Variants in SEMA7A observed in about 807,000 individuals in gnomAD.
SEMA7A encodes the protein semaphorin-7A.
SEMA7A carries 21 observed loss-of-function variants against 67.5 expected under a neutral mutation model. The observed-to-expected ratio is 0.31, with a 90% CI of 0.22 to 0.45. SEMA7A has a LOEUF of 0.45. Among genes scored for constraint, SEMA7A ranks in the 20% least tolerant of loss-of-function variants. The pLI is 1.00. For synonymous variants in SEMA7A, 364 were observed against 368.5 expected, an observed-to-expected ratio of 0.99 and a Z score of 0.14; for missense variants, 774 against 908.6, an observed-to-expected ratio of 0.85 and a Z score of 1.90.
Position 74,418,916 on chromosome 15 carries a change from G to T in SEMA7A, c.215C>A (p.Thr72Asn). Residue 72 changes from threonine to asparagine, a missense_variant, in exon 2 of 14, where the codon ACT becomes AAT. Coordinates refer to ENST00000261918, the MANE Select transcript of SEMA7A (RefSeq NM_003612.5). ...GTGGAAAAGCACCGTGTGCGGCTCAGTCTGGCCAAAGTCCACCCGGTCCTG... is the reference window on the plus strand; with the variant it reads ...GTGGAAAAGCACCGTGTGCGGCTCATTCTGGCCAAAGTCCACCCGGTCCTG... Reference protein sequence around the residue: ...VGQDRVDFGQTEPHTVLFHEP... With the variant: ...VGQDRVDFGQNEPHTVLFHEP... 1 of 1,613,796 alleles carries T rather than the reference G, an allele frequency of 6.2e-7. No individual in the cohort carries two copies. The highest frequency in any genetic ancestry group is 1.6e-4 in the Middle Eastern group (1 of 6,062).
At chr15:74,432,725 C>G (rs1567080974) in intron 1 of SEMA7A, among the ~76,000 whole-genome samples, 1 of 152,214 alleles carries the variant, frequency 6.6e-6, no homozygotes, top group Non-Finnish European at 1.5e-5. Flanking sequence ...CCCCAGCCCC[C>G]ACTGCGAGTC....
intron 1 of SEMA7A, among the ~76,000 whole-genome samples, chr15:74,431,205 A>G (rs962326088): frequency 3.9e-5 from 6 of 152,330 alleles, no homozygotes; most frequent in Admixed American, 2.6e-4. Flanking sequence ...TGTCAGTGAC[A>G]GCCCTTGGGG....
chr15:74,432,332 A>G (rs976543191), intron 1 of SEMA7A, among the ~76,000 whole-genome samples: 1 of 152,152 alleles, frequency 6.6e-6, no homozygotes, highest in Non-Finnish European at 1.5e-5. Context: ...GGCCTCCTCC[A>G]TGTACAGGCG....
chr15:74,416,136 C>T (rs752165816), intron 7 of SEMA7A, 151 bp from the exon 8 acceptor site: 12 of 773,188 alleles, frequency 1.6e-5, no homozygotes, highest in Non-Finnish European at 2.5e-5. Flanking sequence ...TGCCCCAGGA[C>T]TCAGGGCAGG....
chr15:74,410,633 C>T lies in SEMA7A; in HGVS notation c.1992G>A (p.Leu664=), dbSNP rs1480689715. The T allele has an allele frequency of 6.3e-7, 1 of 1,586,662 alleles. No individual in the cohort carries two copies. Among genetic ancestry groups the T allele is most frequent in the Admixed American group, 1.7e-5 (1 of 58,824 alleles). Reference sequence around the variant, plus strand: ...CCAGCCTCGGGAGGCCCTAGTGGACCAGCAAGCCAAGAGTGAGTGTGGGCA... The same window carrying T: ...CCAGCCTCGGGAGGCCCTAGTGGACTAGCAAGCCAAGAGTGAGTGTGGGCA... ...GVLPTLTLGL[L]VH The change falls in exon 14 of 14, where the codon CTG becomes CTA. Residue 664 remains leucine (L), a synonymous_variant. Coordinates refer to ENST00000261918, the MANE Select transcript of SEMA7A (RefSeq NM_003612.5). This position sits in a 1 kb window ranked among gnomAD's most constrained non-coding sequence, Gnocchi z 7.5.
chr15:74,416,059 C>T, intron 7 of SEMA7A, 74 bp from the exon 8 acceptor site: 1 of 1,451,766 alleles, frequency 6.9e-7, no homozygotes, highest in Non-Finnish European at 9.6e-7. Context: ...GAAACCACTG[C>T]CAGCAATATC....
chr15:74,411,010 C>T lies in SEMA7A; in HGVS notation c.1640-25G>A, dbSNP rs772456485. The stretch of plus-strand genomic sequence containing the variant: ...TCTGGGGAGGCAGTGGGGAAGCAGC[C>T]GTGAGGAGGGACAAAGAGCTCCCAG... On this transcript the variant is annotated intron_variant, in intron 13 of 13. Transcript: ENST00000261918. The surrounding 1 kb of genome is among the most constrained non-coding windows in gnomAD (Gnocchi z 4.4). 8 of 1,598,720 alleles carry T rather than the reference C, an allele frequency of 5.0e-6. No homozygotes were observed. The Admixed American group carries it at 5.1e-5, about 10-fold the overall frequency.
intron 1 of SEMA7A, among the ~76,000 whole-genome samples, chr15:74,424,245 T>G (rs2061024399): frequency 6.6e-6 from 1 of 152,138 alleles, no homozygotes; most frequent in African/African-American, 2.4e-5. Flanking sequence ...TTTTCCTCCC[T>G]GTGGATTAGC....
chr15:74,416,133 G>A, intron 7 of SEMA7A, 148 bp from the exon 8 acceptor site: 1 of 792,574 alleles, frequency 1.3e-6, no homozygotes, highest in Non-Finnish European at 2.0e-6. Context: ...GGGTGCCCCA[G>A]GACTCAGGGC....
intron 1 of SEMA7A, among the ~76,000 whole-genome samples, chr15:74,426,543 G>A (rs1381090900): frequency 6.6e-6 from 1 of 152,186 alleles, no homozygotes; most frequent in Non-Finnish European, 1.5e-5. Flanking sequence ...ATCTTCTCGA[G>A]GTGCAGCGTG....
At chr15:74,412,623 C>T (rs1257716130) in intron 10 of SEMA7A, among the ~76,000 whole-genome samples, 1 of 152,128 alleles carries the variant, frequency 6.6e-6, no homozygotes, top group South Asian at 2.1e-4. Context: ...CAGAGAGCTC[C>T]AATCTACCCT....
chr15:74,418,824 C>G lies in SEMA7A; in HGVS notation c.307G>C (p.Gly103Arg), dbSNP rs200725299. 2.5e-6 allele frequency: 4 copies of G among 1,613,742 alleles called. No homozygotes were observed. In the African/African-American group the frequency reaches 5.3e-5, roughly 22 times the overall value. ...GKVYLFDFPE[G>R]KNASVRTVNI... ...ACCGTGCGCACAGATGCGTTCTTGC[C>G]CTCGGGGAAGTCAAAGAGGTAGACC... The change falls in exon 2 of 14, where the codon GGC becomes CGC. Residue 103 changes from glycine (G) to arginine (R), a missense_variant. Transcript: ENST00000261918.
rs765673188 is a variant in SEMA7A at position 74,416,004 on chromosome 15, G to A, written c.802-19C>T. On this transcript the variant is annotated intron_variant, in intron 7 of 13. Transcript: ENST00000261918. ...GGTCCCCCTGGAAGGGTAGAGGGGA[G>A]AAGAGGCCCCTCAGCACCTGCCCGG... 2.3e-5 allele frequency: 37 copies of A among 1,610,470 alleles called. No individual in the cohort carries two copies. In the East Asian group the frequency reaches 3.1e-4, roughly 14 times the overall value.
Position 74,417,449 on chromosome 15 carries a change from G to A in SEMA7A, c.551-4C>T. ...ATGGTGGAATACACCTCGTCCCCTGGGGTCAGTGGGAGGGAGAAATGAGTA... is the reference window on the plus strand; with the variant it reads ...ATGGTGGAATACACCTCGTCCCCTGAGGTCAGTGGGAGGGAGAAATGAGTA... On this transcript the variant is annotated splice_region_variant and splice_polypyrimidine_tract_variant and intron_variant, in intron 5 of 13. Coordinates refer to ENST00000261918, the MANE Select transcript of SEMA7A (RefSeq NM_003612.5). The A allele has an allele frequency of 6.2e-7, 1 of 1,612,670 alleles. No homozygotes were observed. Among genetic ancestry groups the A allele is most frequent in the Non-Finnish European group, 8.5e-7 (1 of 1,178,916 alleles).
At position 74,414,847 on chromosome 15, in the gene SEMA7A, C is replaced by A. The variant is rs1406600936; in HGVS notation, c.1086G>T (p.Arg362=). The part of the protein sequence containing the change: ...KGYHSSLPNP[R]PGKCLPDQQP... ...CTGGTGTCACGCTCACCTTGCCAGGCCGCGGGTTGGGAAGGCTTGAGTGGT... is the reference window on the plus strand; with the variant it reads ...CTGGTGTCACGCTCACCTTGCCAGGACGCGGGTTGGGAAGGCTTGAGTGGT... Residue 362 remains arginine (R), a synonymous_variant, in exon 9 of 14, where the codon CGG becomes CGT. Transcript: ENST00000261918. The surrounding 1 kb of genome is among the most constrained non-coding windows in gnomAD (Gnocchi z 4.1). 1 of 1,614,054 alleles carries A rather than the reference C, an allele frequency of 6.2e-7. No homozygotes were observed. The highest frequency in any genetic ancestry group is 2.2e-5 in the East Asian group (1 of 44,904).
rs79939684 is a variant in SEMA7A at position 74,423,441 on chromosome 15, C to T, written c.179-4489G>A. Among the ~76,000 whole-genome samples the T allele has an allele frequency of 6.8e-4, 104 of 152,252 alleles. 2 individuals are homozygous for T. In the East Asian group the frequency reaches 0.016, roughly 23 times the overall value. On this transcript the variant is annotated intron_variant, in intron 1 of 13. Coordinates refer to ENST00000261918, the MANE Select transcript of SEMA7A (RefSeq NM_003612.5). The surrounding 1 kb of genome is among the most constrained non-coding windows in gnomAD (Gnocchi z 4.1). ...GTACCACCGGCCCAAGGACACAGAG[C>T]GAGGGAAGCTCCAAGTTTCCAGTAC...
chr15:74,414,461 C>G lies in SEMA7A; in HGVS notation c.1294+86G>C. The G allele has an allele frequency of 1.5e-6, 2 of 1,302,840 alleles. No homozygotes were observed. Among genetic ancestry groups the G allele is most frequent in the Non-Finnish European group, 2.2e-6 (2 of 913,162 alleles). 80.7% of individuals were successfully genotyped at this position (1,302,840 alleles called of 1,614,324 possible). ...AATTATTCCTTCCACATGTAAAGATCCAACCAGATGTTAACTACATTATTC... is the reference window on the plus strand; with the variant it reads ...AATTATTCCTTCCACATGTAAAGATGCAACCAGATGTTAACTACATTATTC... On this transcript the variant is annotated intron_variant, in intron 10 of 13. Coordinates refer to ENST00000261918, the MANE Select transcript of SEMA7A (RefSeq NM_003612.5). The surrounding 1 kb of genome is among the most constrained non-coding windows in gnomAD (Gnocchi z 4.1).
rs1211666721 is a variant in SEMA7A, at chr15:74,427,288, A to T, written c.178+6453T>A. On this transcript the variant is annotated intron_variant, in intron 1 of 13. Transcript: ENST00000261918. ...TGCTCCAAGTCTTCCATTCCCAGGGAGCAGCTCAGACAGTGGAGAGAAGCA... is the reference window on the plus strand; with the variant it reads ...TGCTCCAAGTCTTCCATTCCCAGGGTGCAGCTCAGACAGTGGAGAGAAGCA... 3.0e-6 allele frequency: 3 copies of T among 985,386 alleles called. No homozygotes were observed. The African/African-American group carries it at 5.2e-5, about 17-fold the overall frequency. 61.0% of individuals were successfully genotyped at this position (985,386 alleles called of 1,614,324 possible).
intron 1 of SEMA7A, among the ~76,000 whole-genome samples, chr15:74,425,781 A>G (rs1236065320): frequency 6.6e-6 from 1 of 152,156 alleles, no homozygotes; most frequent in East Asian, 1.9e-4. Flanking sequence ...CATGTGCTCA[A>G]TCCAGATATC....
Sources: allele counts gnomAD v4.1 joint callset (sites outside exome capture counted in the v4.1 genomes callset), GRCh38; gene constraint gnomAD v4.1.1; non-coding constraint Gnocchi (gnomAD v3.1); transcripts MANE v1.5; gene names NCBI Gene and HGNC (gene_info 2026-07-23, HGNC 2026-07-21).